BRINP3: variants seen among roughly 807,000 people sequenced by gnomAD.
BRINP3 encodes BMP/retinoic acid inducible neural specific 3.
BRINP3 carries 19 observed loss-of-function variants against 71.0 expected under a neutral mutation model. The observed-to-expected ratio is 0.27, with a 90% CI of 0.19 to 0.39. BRINP3 has a LOEUF of 0.39. BRINP3 is among the 10% of genes least tolerant of loss of function. The probability of loss-of-function intolerance (pLI) is 1.00; values close to 1 mark genes in which losing one functional copy is unlikely to be tolerated. For synonymous variants in BRINP3, 380 were observed against 337.7 expected (o/e 1.13, Z -1.37); for missense variants, 959 against 940.8 (o/e 1.02, Z -0.25).
intron 1 of BRINP3, chr1:190,474,509 C>T (rs1397518101): frequency 6.6e-6 from 1 of 152,600 alleles, no homozygotes; most frequent in Non-Finnish European, 1.5e-5. Context: ...AGTTTTATAT[C>T]CTGGTGCTCT....
At chr1:190,204,915 T>C (rs746890213) in intron 6 of BRINP3, among the ~76,000 whole-genome samples, 2 of 152,040 alleles carry the variant, frequency 1.3e-5, no homozygotes, top group Non-Finnish European at 2.9e-5. Context: ...GTTCCTTCTT[T>C]GTTATGCTTC....
At chr1:190,407,082 C>T (rs148923201) in intron 2 of BRINP3, among the ~76,000 whole-genome samples, 1 of 152,138 alleles carries the variant, frequency 6.6e-6, no homozygotes, top group South Asian at 2.1e-4. Context: ...CTAAAAAGCA[C>T]TCAATTTTAT....
At chr1:190,145,574 T>C (rs931961076) in intron 7 of BRINP3, among the ~76,000 whole-genome samples, 3 of 152,144 alleles carry the variant, frequency 2.0e-5, no homozygotes, top group African/African-American at 7.2e-5. Context: ...ACAATTTCAC[T>C]TAAATGTAAA....
intron 7 of BRINP3, among the ~76,000 whole-genome samples, chr1:190,118,613 A>T (rs1653349067): frequency 1.3e-5 from 2 of 152,204 alleles, no homozygotes; most frequent in Non-Finnish European, 2.9e-5. Flanking sequence ...AGTAACTTTA[A>T]CATGAACATT....
rs1388711226 is a variant in BRINP3 at position 190,097,682 on chromosome 1, A to G, written c.*336T>C. ...ATTTCTTTTTAATAACTGTTCAGCT[A>G]CAAAATTTTATTGGTATCTTTTTAT... On this transcript the variant is annotated 3_prime_UTR_variant, in exon 8 of 8. Coordinates refer to ENST00000367462, the MANE Select transcript of BRINP3 (RefSeq NM_199051.3). 1 of 185,306 alleles carries G rather than the reference A, an allele frequency of 5.4e-6. No individual in the cohort carries two copies. The highest frequency in any genetic ancestry group is 1.4e-4 in the East Asian group (1 of 7,320). 11.5% of individuals were successfully genotyped at this position (185,306 alleles called of 1,614,324 possible).
chr1:190,436,803 G>A (rs1279585818), intron 2 of BRINP3, among the ~76,000 whole-genome samples: 1 of 151,598 alleles, frequency 6.6e-6, no homozygotes, highest in Admixed American at 6.6e-5. Flanking sequence ...ACAGACACTG[G>A]GTGCCATCTG....
At chr1:190,426,339 C>T (rs72731164) in intron 2 of BRINP3, among the ~76,000 whole-genome samples, 19,158 of 151,694 alleles carry the variant, frequency 0.13, 1,334 homozygotes, top group Non-Finnish European at 0.13. Context: ...CAACTGTAAT[C>T]TACACTGCAT....
At chr1:190,349,033 A>T (rs79798418) in intron 2 of BRINP3, among the ~76,000 whole-genome samples, 72 of 152,248 alleles carry the variant, frequency 4.7e-4, no homozygotes, top group Middle Eastern at 3.4e-3. Flanking sequence ...GTAGTAGCTG[A>T]GCTTATGGAA....
intron 1 of BRINP3, among the ~76,000 whole-genome samples, chr1:190,467,752 C>A (rs1676857074): frequency 6.6e-6 from 1 of 151,534 alleles, no homozygotes; most frequent in East Asian, 1.9e-4. Context: ...ATAGCCCAAA[C>A]TGTCTTCAAA....
At chr1:190,465,458 G>A (rs1676676965) in intron 1 of BRINP3, among the ~76,000 whole-genome samples, 1 of 151,962 alleles carries the variant, frequency 6.6e-6, no homozygotes, top group South Asian at 2.1e-4. Context: ...ATCCTGCTAA[G>A]TCAGTTTTAT....
chr1:190,401,280 C>A (rs934961926), intron 2 of BRINP3, among the ~76,000 whole-genome samples: 1 of 151,120 alleles, frequency 6.6e-6, no homozygotes, highest in Admixed American at 6.6e-5. Context: ...ATCACTTGAA[C>A]CCAGGAGGTG....
At chr1:190,353,048 A>G (rs1668498890) in intron 2 of BRINP3, among the ~76,000 whole-genome samples, 2 of 145,086 alleles carry the variant, frequency 1.4e-5, no homozygotes, top group Admixed American at 1.4e-4. Flanking sequence ...TAAAAAAAAA[A>G]AAGGAAAACA....
At chr1:190,232,515 A>G (rs1658091317) in intron 5 of BRINP3, among the ~76,000 whole-genome samples, 1 of 152,088 alleles carries the variant, frequency 6.6e-6, no homozygotes. Flanking sequence ...AGGTGTATAA[A>G]TAAAGTTGTA....
chr1:190,290,823 A>G (rs1424774329), intron 2 of BRINP3, among the ~76,000 whole-genome samples: 2 of 151,834 alleles, frequency 1.3e-5, no homozygotes, highest in African/African-American at 2.4e-5. Flanking sequence ...AATGACATTA[A>G]CTCATTTACA....
At chr1:190,320,211 C>CTG (rs1666146643) in intron 2 of BRINP3, among the ~76,000 whole-genome samples, 1 of 152,058 alleles carries the variant, frequency 6.6e-6, no homozygotes, top group African/African-American at 2.4e-5. Flanking sequence ...ATACCCAAAA[C>CTG]ACTCCTAATA....
intron 2 of BRINP3, among the ~76,000 whole-genome samples, chr1:190,355,417 G>A (rs1037542016): frequency 6.6e-6 from 1 of 151,732 alleles, no homozygotes; most frequent in Non-Finnish European, 1.5e-5. Flanking sequence ...ATATTTACAA[G>A]AATATTCCAC....
intron 6 of BRINP3, among the ~76,000 whole-genome samples, chr1:190,222,725 C>T (rs905057278): frequency 3.3e-5 from 5 of 151,134 alleles, no homozygotes; most frequent in Non-Finnish European, 7.4e-5. Flanking sequence ...TAGAAAAATA[C>T]ATAAGATCAA....
intron 2 of BRINP3, among the ~76,000 whole-genome samples, chr1:190,430,190 A>G (rs1397286746): frequency 6.6e-6 from 1 of 152,148 alleles, no homozygotes; most frequent in Non-Finnish European, 1.5e-5. Context: ...TGAATCAGAG[A>G]AAAAACATTT....
chr1:190,301,194 T>C (rs1170767531), intron 2 of BRINP3, among the ~76,000 whole-genome samples: 1 of 59,372 alleles, frequency 1.7e-5, no homozygotes, highest in African/African-American at 4.5e-5. Context: ...TATGTATATA[T>C]ATACACATAC....
Sources: allele counts gnomAD v4.1 joint callset (sites outside exome capture counted in the v4.1 genomes callset), GRCh38; gene constraint gnomAD v4.1.1; transcripts MANE v1.5; gene names NCBI Gene and HGNC (gene_info 2026-07-23, HGNC 2026-07-21).